ANGPT1: variants seen among roughly 807,000 people sequenced by gnomAD.
ANGPT1 encodes the protein angiopoietin-1.
In ANGPT1, 17 loss-of-function variants were observed where a neutral mutation model predicts 62.2. The observed-to-expected ratio is 0.27, with a 90% CI of 0.19 to 0.41. ANGPT1 has a LOEUF of 0.41. ANGPT1 is among the 10% of genes least tolerant of loss of function. ANGPT1 has a pLI of 1.00. For synonymous variants in ANGPT1, 199 were observed against 198.9 expected, an observed-to-expected ratio of 1.00 and a Z score of 0.00; for missense variants, 478 against 594.9, an observed-to-expected ratio of 0.80 and a Z score of 2.04.
chr8:107,439,227 G>A (rs1811409989), intron 1 of ANGPT1, among the ~76,000 whole-genome samples: 1 of 152,186 alleles, frequency 6.6e-6, no homozygotes. Flanking sequence ...AGATTCCAGT[G>A]CAGGCCCATA....
chr8:107,433,775 T>TAA (rs1160931132), intron 1 of ANGPT1, among the ~76,000 whole-genome samples: 11 of 152,278 alleles, frequency 7.2e-5, no homozygotes, highest in African/African-American at 2.2e-4. Flanking sequence ...AAAAGATACA[T>TAA]ACACACACAA....
intron 4 of ANGPT1, among the ~76,000 whole-genome samples, chr8:107,307,638 C>T (rs1814750983): frequency 6.6e-6 from 1 of 151,868 alleles, no homozygotes; most frequent in Non-Finnish European, 1.5e-5. Context: ...TTTCTCTTTC[C>T]TCTTTTATCG....
intron 1 of ANGPT1, among the ~76,000 whole-genome samples, chr8:107,480,301 GT>G: frequency 6.6e-6 from 1 of 152,152 alleles, no homozygotes; most frequent in Non-Finnish European, 1.5e-5. Flanking sequence ...ACAGGATCTA[GT>G]TTGAGGCACT....
intron 4 of ANGPT1, among the ~76,000 whole-genome samples, chr8:107,313,904 G>A (rs1245407737): frequency 6.6e-6 from 1 of 152,050 alleles, no homozygotes; most frequent in Non-Finnish European, 1.5e-5. Flanking sequence ...AAAATTTCAT[G>A]AGGTCTTCAC....
At chr8:107,455,139 A>C (rs1476480489) in intron 1 of ANGPT1, among the ~76,000 whole-genome samples, 27 of 152,220 alleles carry the variant, frequency 1.8e-4, no homozygotes, top group East Asian at 5.8e-4. Flanking sequence ...GAAAGATAGC[A>C]GGAAGAGTGT....
intron 1 of ANGPT1, among the ~76,000 whole-genome samples, chr8:107,472,969 C>T (rs1205047352): frequency 6.6e-6 from 1 of 152,014 alleles, no homozygotes. Flanking sequence ...CCCCCATCTC[C>T]ACTACCACCA....
intron 1 of ANGPT1, among the ~76,000 whole-genome samples, chr8:107,429,921 C>T (rs200599483): frequency 1.7e-5 from 2 of 118,996 alleles, no homozygotes; most frequent in African/African-American, 5.4e-5. Context: ...AAAAGAATCA[C>T]ATAGTTGGGT....
intron 1 of ANGPT1, among the ~76,000 whole-genome samples, chr8:107,496,163 AC>A (rs1202013103): frequency 2.6e-5 from 4 of 152,200 alleles, no homozygotes; most frequent in African/African-American, 9.7e-5. Context: ...CTGATTGCAT[AC>A]CTATCTACAT....
chr8:107,432,441 G>A (rs1357027339), intron 1 of ANGPT1, among the ~76,000 whole-genome samples: 2 of 152,192 alleles, frequency 1.3e-5, no homozygotes, highest in Non-Finnish European at 2.9e-5. Context: ...AAGGCAGGCA[G>A]ATCACGAGGT....
chr8:107,294,666 T>C (rs1221321969), intron 5 of ANGPT1: 1 of 152,224 alleles, frequency 6.6e-6, no homozygotes, highest in Middle Eastern at 3.2e-3. Context: ...ACATGACATA[T>C]TGTATCTCTT....
chr8:107,432,736 G>A (rs1811226128), intron 1 of ANGPT1, among the ~76,000 whole-genome samples: 1 of 151,254 alleles, frequency 6.6e-6, no homozygotes, highest in Non-Finnish European at 1.5e-5. Context: ...AATGCTTAAT[G>A]TATTAGATAT....
In ANGPT1 at chr8:107,282,070, A is replaced by T. The variant is rs913776710; in HGVS notation, c.1205+2612T>A. On this transcript the variant is annotated intron_variant, in intron 7 of 8. Transcript: ENST00000517746. The stretch of plus-strand genomic sequence containing the variant: ...GATACAGGCAGGGAGAAAAGTTGCA[A>T]GGGCTTAGCTTCTGTTTTCAGGCTT... 5.3e-5 allele frequency among the ~76,000 whole-genome samples: 8 copies of T among 151,578 alleles called. No homozygotes were observed. The South Asian group carries it at 1.7e-3, about 32-fold the overall frequency.
At chr8:107,327,156 AATTT>A (rs1291708533) in intron 3 of ANGPT1, among the ~76,000 whole-genome samples, 1 of 152,182 alleles carries the variant, frequency 6.6e-6, no homozygotes, top group Admixed American at 6.5e-5. Flanking sequence ...TCTGGACTAG[AATTT>A]TCTTAAATAC....
intron 4 of ANGPT1, among the ~76,000 whole-genome samples, chr8:107,309,734 T>C (rs948960172): frequency 6.6e-6 from 1 of 152,172 alleles, no homozygotes; most frequent in Non-Finnish European, 1.5e-5. Flanking sequence ...ATTTTTTTCT[T>C]GTAGAAAGCA....
chr8:107,260,868 G>A (rs1813474668), intron 8 of ANGPT1, among the ~76,000 whole-genome samples: 1 of 152,188 alleles, frequency 6.6e-6, no homozygotes, highest in Non-Finnish European at 1.5e-5. Flanking sequence ...GAAAGAACAT[G>A]ACGAAGTTCA....
chr8:107,423,827 C>CTTTTTTTTTTTTTTTTTT (rs869079818), intron 1 of ANGPT1, among the ~76,000 whole-genome samples: 2 of 74,436 alleles, frequency 2.7e-5, no homozygotes, highest in Admixed American at 2.1e-4. Flanking sequence ...CTTTTCCTTT[C>CTTTTTTTTTTTTTTTTTT]TTTTTTTTTT....
Position 107,378,851 on chromosome 8 carries a change from C to T in ANGPT1, c.298-31754G>A, listed in dbSNP as rs142205781. On this transcript the variant is annotated intron_variant, in intron 1 of 8. Transcript: ENST00000517746. ...GTGGAAATGTGAGTCAATTAAACCT[C>T]TTTTGTTTATAAATTACTCAGTCTT... Among the ~76,000 whole-genome samples, 562 of 151,858 alleles carry T rather than the reference C, an allele frequency of 3.7e-3. 5 individuals are homozygous for T. The highest frequency in any genetic ancestry group is 0.013 in the African/African-American group (541 of 41,386).
intron 4 of ANGPT1, among the ~76,000 whole-genome samples, chr8:107,310,087 T>C (rs1010837521): frequency 1.3e-5 from 2 of 152,272 alleles, no homozygotes; most frequent in Non-Finnish European, 2.9e-5. Context: ...TTATATGTAA[T>C]TTTATAGATA....
chr8:107,423,169 C>T (rs1810937647), intron 1 of ANGPT1, among the ~76,000 whole-genome samples: 1 of 152,144 alleles, frequency 6.6e-6, no homozygotes. Flanking sequence ...AGTATTTACA[C>T]CATGAAAACT....
Sources: allele counts gnomAD v4.1 joint callset (sites outside exome capture counted in the v4.1 genomes callset), GRCh38; gene constraint gnomAD v4.1.1; transcripts MANE v1.5; gene names NCBI Gene and HGNC (gene_info 2026-07-23, HGNC 2026-07-21).